The following SDC2 variants were observed in gnomAD, a reference collection of about 807,000 sequenced individuals.
SDC2 encodes syndecan 2.
In SDC2, 13 loss-of-function variants were observed where a neutral mutation model predicts 22.2. The ratio of observed to expected loss-of-function variants is 0.59; its 90% CI spans 0.38 to 0.93. SDC2 has a LOEUF of 0.93. Ranked by LOEUF, SDC2 falls within the 40% of genes least tolerant of loss-of-function variation. SDC2 has a pLI of 0.00. For missense variants in SDC2, 235 were observed against 246.8 expected (o/e 0.95, Z 0.32); for synonymous variants, 94 against 92.8 (o/e 1.01, Z -0.07).
Position 96,521,472 on chromosome 8 carries a change from C to T in SDC2, c.60+27141C>T, listed in dbSNP as rs1813496511. Among the ~76,000 whole-genome samples, 4 of 152,156 alleles carry T rather than the reference C, an allele frequency of 2.6e-5. No homozygotes were observed. The South Asian group carries it at 8.3e-4, about 32-fold the overall frequency. ...AATGAACTCTTTTGTTCAACCATGG[C>T]GATGTCTGGATCAGGGCAGCCTTGG... is the stretch of plus-strand genomic sequence containing the variant. On this transcript the variant is annotated intron_variant, in intron 1 of 4. Transcript: ENST00000302190.
At chr8:96,548,275 T>A (rs1226629881) in intron 1 of SDC2, among the ~76,000 whole-genome samples, 17 of 152,228 alleles carry the variant, frequency 1.1e-4, no homozygotes, top group Non-Finnish European at 5.9e-5. Context: ...AGCCTCTCTG[T>A]ACAATTTTGA....
intron 2 of SDC2, 62 bp from the exon 3 acceptor site, chr8:96,602,333 T>C (rs1360089274): frequency 1.3e-6 from 2 of 1,556,474 alleles, no homozygotes; most frequent in Non-Finnish European, 1.8e-6. Flanking sequence ...CAATAGTGCC[T>C]GATAATGGAG....
Position 96,498,515 on chromosome 8 carries a change from G to T in SDC2, c.60+4184G>T, listed in dbSNP as rs59227142. ...AGATGGAGTCTCACTCTGTCACCCA[G>T]GCTGGAGTACAATGGCACTCTGCAA... On this transcript the variant is annotated intron_variant, in intron 1 of 4. Transcript: ENST00000302190. 5.8e-3 allele frequency among the ~76,000 whole-genome samples: 873 copies of T among 151,336 alleles called. 13 individuals carry two copies. The highest frequency in any genetic ancestry group is 0.02 in the African/African-American group (804 of 41,150).
chr8:96,516,960 C>T (rs1355161524), intron 1 of SDC2, among the ~76,000 whole-genome samples: 1 of 152,100 alleles, frequency 6.6e-6, no homozygotes, highest in Non-Finnish European at 1.5e-5. Flanking sequence ...GTATATATAC[C>T]TACGAGTGGA....
chr8:96,601,271 A>T (rs1814978040), intron 2 of SDC2, among the ~76,000 whole-genome samples: 1 of 152,136 alleles, frequency 6.6e-6, no homozygotes, highest in South Asian at 2.1e-4. Flanking sequence ...TCCTGGAGGG[A>T]GTAGAATGCA....
intron 2 of SDC2, among the ~76,000 whole-genome samples, chr8:96,597,032 A>G (rs1026828509): frequency 3.9e-5 from 6 of 152,196 alleles, no homozygotes; most frequent in Non-Finnish European, 8.8e-5. Context: ...TTCCTCTGTC[A>G]TGTAGCAAAG....
rs182368385 is a variant in SDC2 at position 96,579,521 on chromosome 8, A to G, written c.61-13959A>G. ...TTGGAAGTTCAGTCAGGATGTGACC[A>G]CTTGGAACCATGACTGTCTATAAAC... is the stretch of plus-strand genomic sequence containing the variant. On this transcript the variant is annotated intron_variant, in intron 1 of 4. Transcript: ENST00000302190. 5.3e-5 allele frequency among the ~76,000 whole-genome samples: 8 copies of G among 152,378 alleles called. No homozygotes were observed. In the East Asian group the frequency reaches 1.5e-3, roughly 29 times the overall value.
chr8:96,540,340 G>GTGTGTATATA (rs4058341), intron 1 of SDC2, among the ~76,000 whole-genome samples: 2 of 123,668 alleles, frequency 1.6e-5, no homozygotes, highest in East Asian at 3.1e-4. Context: ...ATATATATGT[G>GTGTGTATATA]TATATATATA....
chr8:96,585,521 A>G (rs1184581895), intron 1 of SDC2, among the ~76,000 whole-genome samples: 3 of 152,172 alleles, frequency 2.0e-5, no homozygotes, highest in African/African-American at 7.2e-5. Flanking sequence ...TTTAGATTGA[A>G]GAGAAATGAG....
intron 1 of SDC2, among the ~76,000 whole-genome samples, chr8:96,568,399 C>A (rs776798560): frequency 2.0e-5 from 3 of 152,210 alleles, no homozygotes; most frequent in Admixed American, 1.3e-4. Context: ...GTCAGACATA[C>A]CAATCGACTG....
chr8:96,533,154 G>C (rs1380498258), intron 1 of SDC2, among the ~76,000 whole-genome samples: 2 of 152,168 alleles, frequency 1.3e-5, no homozygotes, highest in African/African-American at 4.8e-5. Context: ...GCTCATAAAG[G>C]TGGTGTGGAC....
intron 3 of SDC2, among the ~76,000 whole-genome samples, chr8:96,606,433 G>C (rs1815080773): frequency 6.6e-6 from 1 of 152,176 alleles, no homozygotes; most frequent in South Asian, 2.1e-4. Context: ...GACTGTTAGA[G>C]AATGAACAAC....
At chr8:96,563,051 T>C (rs1183938263) in intron 1 of SDC2, among the ~76,000 whole-genome samples, 1 of 152,234 alleles carries the variant, frequency 6.6e-6, no homozygotes, top group Non-Finnish European at 1.5e-5. Flanking sequence ...GTTCCATTGT[T>C]ACAGCTACCT....
chr8:96,515,018 G>A (rs1252527369), intron 1 of SDC2, among the ~76,000 whole-genome samples: 1 of 152,200 alleles, frequency 6.6e-6, no homozygotes, highest in African/African-American at 2.4e-5. Context: ...GGTAAAGCAA[G>A]AGAATGCTGG....
chr8:96,589,865 C>T (rs773450690), intron 1 of SDC2, among the ~76,000 whole-genome samples: 3 of 152,190 alleles, frequency 2.0e-5, no homozygotes, highest in Non-Finnish European at 4.4e-5. Flanking sequence ...AGGCCTTAGT[C>T]CAGGTCCAGG....
chr8:96,547,748 T>A (rs1813958556), intron 1 of SDC2, among the ~76,000 whole-genome samples: 1 of 149,722 alleles, frequency 6.7e-6, no homozygotes. Context: ...TTTTTTTTTT[T>A]AAATTTTTAT....
At chr8:96,592,478 GT>G (rs1200449359) in intron 1 of SDC2, among the ~76,000 whole-genome samples, 2 of 152,276 alleles carry the variant, frequency 1.3e-5, no homozygotes. Flanking sequence ...CCAAACAAGC[GT>G]TGTTTAAAAG....
chr8:96,551,644 A>G (rs1212970953), intron 1 of SDC2, among the ~76,000 whole-genome samples: 1 of 152,134 alleles, frequency 6.6e-6, no homozygotes, highest in African/African-American at 2.4e-5. Context: ...AGCTAGTTTC[A>G]GGGTGGTTAA....
intron 1 of SDC2, among the ~76,000 whole-genome samples, chr8:96,524,592 T>C (rs1813549240): frequency 6.6e-6 from 1 of 152,308 alleles, no homozygotes; most frequent in South Asian, 2.1e-4. Context: ...GGAAATCTCC[T>C]TGGGCAAGCA....
Sources: gnomAD v4.1 joint callset for allele counts (sites outside exome capture counted in the v4.1 genomes callset) on GRCh38, gnomAD v4.1.1 for gene constraint, MANE v1.5 for transcripts, NCBI Gene and HGNC (gene_info 2026-07-23, HGNC 2026-07-21) for gene names.